Variants in NPAS3 observed in about 807,000 individuals in gnomAD.
NPAS3 encodes neuronal PAS domain protein 3.
In NPAS3, 14 loss-of-function variants were observed where a neutral mutation model predicts 73.1. That is an observed-to-expected ratio of 0.19 (90% CI 0.13 to 0.30). The LOEUF is 0.30. NPAS3 is among the 10% of genes least tolerant of loss of function. The pLI, the probability that NPAS3 is intolerant of heterozygous loss-of-function variation, is 1.00. For missense variants in NPAS3, 1,096 were observed against 1,250.0 expected (o/e 0.88, Z 1.86); for synonymous variants, 620 against 541.5 (o/e 1.14, Z -2.01).
At chr14:33,285,887 C>G (rs1355322233) in intron 3 of NPAS3, among the ~76,000 whole-genome samples, 3 of 152,182 alleles carry the variant, frequency 2.0e-5, no homozygotes, top group Admixed American at 6.5e-5. Flanking sequence ...CCACTTTCCT[C>G]CTAGGTAAGA....
intron 7 of NPAS3, among the ~76,000 whole-genome samples, chr14:33,767,406 A>T (rs2062498720): frequency 1.3e-5 from 2 of 152,154 alleles, no homozygotes; most frequent in South Asian, 4.2e-4. Context: ...CCGTCACTTA[A>T]AAATAATTAG....
chr14:33,694,641 G>A (rs2060324693), intron 6 of NPAS3, among the ~76,000 whole-genome samples: 1 of 151,924 alleles, frequency 6.6e-6, no homozygotes, highest in African/African-American at 2.4e-5. Flanking sequence ...AACATTAATG[G>A]GTCAGATCTA....
intron 3 of NPAS3, among the ~76,000 whole-genome samples, chr14:33,233,565 A>G (rs2047928992): frequency 6.6e-6 from 1 of 152,184 alleles, no homozygotes; most frequent in African/African-American, 2.4e-5. Flanking sequence ...CCTGTCATCA[A>G]TCATTCATTT....
chr14:33,677,894 A>G (rs903275672), intron 6 of NPAS3, among the ~76,000 whole-genome samples: 2 of 152,190 alleles, frequency 1.3e-5, no homozygotes, highest in African/African-American at 4.8e-5. Context: ...AGATAACTGG[A>G]ACTGTTTTTT....
intron 5 of NPAS3, among the ~76,000 whole-genome samples, chr14:33,629,183 G>A (rs1225460000): frequency 6.6e-6 from 1 of 150,966 alleles, no homozygotes; most frequent in East Asian, 2.0e-4. Context: ...TGCAGTGAGG[G>A]GAGATTGCGC....
At chr14:33,611,343 G>GT (rs2057742131) in intron 5 of NPAS3, among the ~76,000 whole-genome samples, 1 of 152,224 alleles carries the variant, frequency 6.6e-6, no homozygotes, top group Non-Finnish European at 1.5e-5. Context: ...CCATTCTGTG[G>GT]TTGTGAGTTT....
chr14:33,289,805 G>C (rs1034615500), intron 3 of NPAS3, among the ~76,000 whole-genome samples: 6 of 144,202 alleles, frequency 4.2e-5, no homozygotes, highest in African/African-American at 1.6e-4. Flanking sequence ...CTGGGCAACA[G>C]AGCAAGACTC....
intron 2 of NPAS3, among the ~76,000 whole-genome samples, chr14:33,176,281 T>C (rs1240097323): frequency 8.5e-5 from 13 of 152,230 alleles, no homozygotes. Flanking sequence ...AATAACTACA[T>C]TCACAGTGTT....
chr14:33,593,995 A>G (rs918617019), intron 5 of NPAS3, among the ~76,000 whole-genome samples: 5 of 152,188 alleles, frequency 3.3e-5, no homozygotes, highest in Admixed American at 6.5e-5. Context: ...TACTTTGTCC[A>G]TTAGACTAGG....
chr14:33,390,584 G>A (rs2046959322), intron 4 of NPAS3, among the ~76,000 whole-genome samples: 1 of 152,066 alleles, frequency 6.6e-6, no homozygotes, highest in Non-Finnish European at 1.5e-5. Flanking sequence ...GAGAGATGAG[G>A]GCAGGTCTAA....
chr14:33,770,190 G>A (rs1197362461), intron 7 of NPAS3, among the ~76,000 whole-genome samples: 1 of 152,202 alleles, frequency 6.6e-6, no homozygotes, highest in Non-Finnish European at 1.5e-5. Flanking sequence ...TTATTCCAAT[G>A]TGTAGCCATG....
At chr14:33,394,140 A>G (rs977585636) in intron 4 of NPAS3, among the ~76,000 whole-genome samples, 3 of 152,158 alleles carry the variant, frequency 2.0e-5, no homozygotes, top group African/African-American at 7.2e-5. Context: ...TATCATTTAG[A>G]TAATTAAAAA....
chr14:33,338,845 T>C (rs1354864183), intron 3 of NPAS3, among the ~76,000 whole-genome samples: 2 of 152,176 alleles, frequency 1.3e-5, no homozygotes, highest in African/African-American at 4.8e-5. Context: ...AAAAATTCTT[T>C]ACAAACAGTA....
intron 5 of NPAS3, among the ~76,000 whole-genome samples, chr14:33,605,598 A>G (rs1386024683): frequency 6.6e-6 from 1 of 152,170 alleles, no homozygotes; most frequent in Non-Finnish European, 1.5e-5. Context: ...AGCAATCACA[A>G]GTTGAAAAGA....
intron 1 of NPAS3, among the ~76,000 whole-genome samples, chr14:32,953,611 C>G (rs906841882): frequency 2.0e-5 from 3 of 152,144 alleles, no homozygotes; most frequent in African/African-American, 7.2e-5. Flanking sequence ...AGATTTTACT[C>G]TGCTTGCAAG....
In NPAS3 at chr14:33,098,916, T is replaced by C. The variant is rs572581684; in HGVS notation, c.140+42922T>C. 8.5e-5 allele frequency among the ~76,000 whole-genome samples: 13 copies of C among 152,344 alleles called. No individual in the cohort carries two copies. In the East Asian group the frequency reaches 2.3e-3, roughly 27 times the overall value. On this transcript the variant is annotated intron_variant, in intron 2 of 11. Coordinates refer to ENST00000356141, the Ensembl canonical transcript of NPAS3. ...TGAGACCAAGACCAGTTGTGCACTT[T>C]GAGTGCTTCACAAAGGTGCTCAACT... is the stretch of plus-strand genomic sequence containing the variant.
chr14:33,006,470 G>A (rs1317290040), intron 1 of NPAS3, among the ~76,000 whole-genome samples: 1 of 152,166 alleles, frequency 6.6e-6, no homozygotes, highest in Non-Finnish European at 1.5e-5. Flanking sequence ...ACAAATTATC[G>A]TGCTAATTTT....
chr14:33,619,289 C>T (rs1313924124), intron 5 of NPAS3, among the ~76,000 whole-genome samples: 1 of 151,978 alleles, frequency 6.6e-6, no homozygotes, highest in Non-Finnish European at 1.5e-5. Context: ...AATCCAAGGC[C>T]TATTACCTTT....
intron 6 of NPAS3, among the ~76,000 whole-genome samples, chr14:33,690,725 C>T (rs372399087): frequency 2.4e-4 from 37 of 152,158 alleles, no homozygotes; most frequent in South Asian, 2.3e-3. Context: ...CATGTATACA[C>T]GCATATATTG....
Sources: allele counts gnomAD v4.1 joint callset (sites outside exome capture counted in the v4.1 genomes callset), GRCh38; gene constraint gnomAD v4.1.1; transcripts MANE v1.5; gene names NCBI Gene and HGNC (gene_info 2026-07-23, HGNC 2026-07-21).